Variants in BCL9 observed in about 807,000 individuals in gnomAD.
BCL9 encodes BCL9 transcription coactivator.
Under a neutral mutation model 88.5 loss-of-function variants are expected in BCL9, and 25 were observed. The ratio of observed to expected loss-of-function variants is 0.28; its 90% CI spans 0.21 to 0.39. BCL9 has a LOEUF of 0.39. BCL9 is among the 10% of genes least tolerant of loss of function. The probability of loss-of-function intolerance (pLI) is 1.00; values close to 1 mark genes in which losing one functional copy is unlikely to be tolerated. For synonymous variants in BCL9, 711 were observed against 673.3 expected (o/e 1.06, Z -0.87); for missense variants, 1,817 against 1,877.8 (o/e 0.97, Z 0.60).
In BCL9 at chr1:147,624,141, C is replaced by G. The variant is rs1553205999; in HGVS notation, c.3463C>G (p.His1155Asp). Reference sequence around the variant, plus strand: ...TCCCCCACAGCAGGTTCCATTCCCTCACAATGGCCCCAGTGGGGGGCAGGG... The same window carrying G: ...TCCCCCACAGCAGGTTCCATTCCCTGACAATGGCCCCAGTGGGGGGCAGGG... ...QSPPQQVPFP[H>D]NGPSGGQGSF... Residue 1155 changes from histidine to aspartate, a missense_variant, in exon 10 of 10, where the codon CAC becomes GAC. His to Asp is a moderately conservative substitution (Grantham distance 81, BLOSUM62 -1). Coordinates refer to ENST00000234739, the MANE Select transcript of BCL9 (RefSeq NM_004326.4). This position sits in a 1 kb window ranked among gnomAD's most constrained non-coding sequence, Gnocchi z 4.4. The G allele has an allele frequency of 6.3e-7, 1 of 1,594,654 alleles. No homozygotes were observed. Among genetic ancestry groups the G allele is most frequent in the Non-Finnish European group, 8.6e-7 (1 of 1,168,668 alleles).
chr1:147,546,955 A>C (rs1007425199), intron 1 of BCL9, among the ~76,000 whole-genome samples: 21 of 152,102 alleles, frequency 1.4e-4, no homozygotes, highest in African/African-American at 4.3e-4. Context: ...GGCACTGGGT[A>C]CATCTCTTAG....
chr1:147,624,320 G>T lies in BCL9; in HGVS notation c.3642G>T (p.Val1214=), dbSNP rs1553206075. The T allele has an allele frequency of 6.2e-7, 1 of 1,614,192 alleles. No individual in the cohort carries two copies. Among genetic ancestry groups the T allele is most frequent in the Non-Finnish European group, 8.5e-7 (1 of 1,180,028 alleles). Residue 1214 remains valine, a synonymous_variant, in exon 10 of 10, where the codon GTG becomes GTT. Transcript: ENST00000234739. The surrounding 1 kb of genome is among the most constrained non-coding windows in gnomAD (Gnocchi z 4.4). ...FTVLGNSMPS[V]FTDPDLQEVI... ...TCCTGGGGAACAGCATGCCTTCGGT[G>T]TTTACAGACCCAGATCTGCAGGAGG...
chr1:147,550,555 G>A (rs115275955), intron 1 of BCL9, among the ~76,000 whole-genome samples: 4,304 of 152,314 alleles, frequency 0.028, 110 homozygotes, highest in Non-Finnish European at 0.042. Flanking sequence ...TAGGTGAATA[G>A]TGAGAGTGAG....
intron 1 of BCL9, among the ~76,000 whole-genome samples, chr1:147,602,896 G>A (rs1178267089): frequency 1.3e-5 from 2 of 152,178 alleles, no homozygotes; most frequent in Non-Finnish European, 2.9e-5. Flanking sequence ...TAGAGCCTTG[G>A]ATGTAGAATC....
At chr1:147,558,015 T>C (rs1161180028) in intron 1 of BCL9, among the ~76,000 whole-genome samples, 1 of 152,010 alleles carries the variant, frequency 6.6e-6, no homozygotes, top group East Asian at 1.9e-4. Context: ...CATGCCACTA[T>C]GAAAGAAAAA....
chr1:147,542,820 C>T (rs1570798350), intron 1 of BCL9, among the ~76,000 whole-genome samples: 1 of 152,250 alleles, frequency 6.6e-6, no homozygotes, highest in East Asian at 1.9e-4. Context: ...GAAAATGTGC[C>T]TCCTGGTATA....
intron 9 of BCL9, 111 bp downstream of exon 9, chr1:147,622,642 A>C: frequency 7.3e-7 from 1 of 1,367,160 alleles, no homozygotes; most frequent in Non-Finnish European, 9.9e-7. Flanking sequence ...CAACAAGTAG[A>C]AAAAATCTTC....
chr1:147,624,128 G>C lies in BCL9; in HGVS notation c.3450G>C (p.Gln1150His). Residue 1150 changes from glutamine to histidine, a missense_variant, in exon 10 of 10, where the codon CAG (glutamine) becomes CAC (histidine). This residue lies in a region of BCL9 where 589 missense variants were observed against 686.2 expected (regional missense o/e 0.86). Coordinates refer to ENST00000234739, the MANE Select transcript of BCL9 (RefSeq NM_004326.4). This position sits in a 1 kb window ranked among gnomAD's most constrained non-coding sequence, Gnocchi z 4.4. ...CTCCAGTACAGTCTCCCCCACAGCA[G>C]GTTCCATTCCCTCACAATGGCCCCA... ...GFPPVQSPPQQVPFPHNGPSG... is the reference protein window; with the variant it reads ...GFPPVQSPPQHVPFPHNGPSG... 1.3e-6 allele frequency: 2 copies of C among 1,596,178 alleles called. No individual in the cohort carries two copies. The highest frequency in any genetic ancestry group is 1.7e-6 in the Non-Finnish European group (2 of 1,169,376).
At position 147,624,368 on chromosome 1, in the gene BCL9, A is replaced by C. The variant is rs1658822571; in HGVS notation, c.3690A>C (p.Gly1230=). ...AGGTCATCCGACCTGGAGCCACCGGAATACCTGAGTTTGATCTATCCCGCA... is the reference window on the plus strand; with the variant it reads ...AGGTCATCCGACCTGGAGCCACCGGCATACCTGAGTTTGATCTATCCCGCA... ...LQEVIRPGAT[G]IPEFDLSRII... Residue 1230 remains glycine (G), a synonymous_variant, in exon 10 of 10, where the codon GGA becomes GGC. Coordinates refer to ENST00000234739, the MANE Select transcript of BCL9 (RefSeq NM_004326.4). This position sits in a 1 kb window ranked among gnomAD's most constrained non-coding sequence, Gnocchi z 4.4. 1 of 1,614,170 alleles carries C rather than the reference A, an allele frequency of 6.2e-7. No individual in the cohort carries two copies. The highest frequency in any genetic ancestry group is 8.5e-7 in the Non-Finnish European group (1 of 1,180,028).
At chr1:147,617,643 A>G (rs1187304698) in intron 7 of BCL9, among the ~76,000 whole-genome samples, 2 of 152,234 alleles carry the variant, frequency 1.3e-5, no homozygotes, top group Non-Finnish European at 2.9e-5. Flanking sequence ...TGTATACAAC[A>G]CAAATTGTTC....
At chr1:147,561,495 C>T (rs1553196094) in intron 1 of BCL9, among the ~76,000 whole-genome samples, 3 of 152,174 alleles carry the variant, frequency 2.0e-5, no homozygotes, top group Non-Finnish European at 1.5e-5. Flanking sequence ...CTTCTCATTC[C>T]CTCTTATGAT....
intron 1 of BCL9, among the ~76,000 whole-genome samples, chr1:147,546,658 T>A (rs1235898342): frequency 6.6e-6 from 1 of 152,210 alleles, no homozygotes; most frequent in Non-Finnish European, 1.5e-5. Context: ...TTTGGTCACC[T>A]TATATGAAGC....
intron 1 of BCL9, among the ~76,000 whole-genome samples, chr1:147,587,474 C>T (rs1553199371): frequency 6.6e-6 from 1 of 152,162 alleles, no homozygotes; most frequent in Non-Finnish European, 1.5e-5. Flanking sequence ...TTTTACTCAC[C>T]GTACTAGATT....
chr1:147,565,239 T>G (rs1418171585), intron 1 of BCL9, among the ~76,000 whole-genome samples: 1 of 152,236 alleles, frequency 6.6e-6, no homozygotes, highest in African/African-American at 2.4e-5. Context: ...AACCTTTTAA[T>G]TTTATACATG....
At position 147,625,909 on chromosome 1, in the gene BCL9, C is replaced by T. The variant is rs1167051418; in HGVS notation, c.*950C>T. ...TGGCTCTGAGAGGGAAAGGTCTGTC[C>T]TTGGGATGCTCTCTGGTCTTTTTTC... On this transcript the variant is annotated 3_prime_UTR_variant, in exon 10 of 10. Transcript: ENST00000234739. 2.6e-5 allele frequency: 6 copies of T among 232,998 alleles called. No individual in the cohort carries two copies. Among genetic ancestry groups the T allele is most frequent in the Non-Finnish European group, 5.1e-5 (6 of 117,708 alleles). 14.4% of individuals were successfully genotyped at this position (232,998 alleles called of 1,614,324 possible).
At chr1:147,602,074 T>C (rs1657421049) in intron 1 of BCL9, among the ~76,000 whole-genome samples, 1 of 152,128 alleles carries the variant, frequency 6.6e-6, no homozygotes, top group East Asian at 1.9e-4. Context: ...CTAATTTATG[T>C]ACTTTTAGTA....
Position 147,620,025 on chromosome 1 carries a change from C to T in BCL9, c.1870C>T (p.Pro624Ser). Residue 624 changes from proline (P) to serine (S), a missense_variant, in exon 8 of 10, where the codon CCC becomes TCC. By Grantham distance (74) the Pro-to-Ser change is moderately conservative (BLOSUM62 -1). Transcript: ENST00000234739. ...TGGCCGAGGGGAACGCTTCCCAAAC[C>T]CCCAAGGATTGTCTGAAGAGATGTT... Reference protein sequence around the residue: ...GPGRGERFPNPQGLSEEMFQQ... With the variant: ...GPGRGERFPNSQGLSEEMFQQ... 2 of 1,614,170 alleles carry T rather than the reference C, an allele frequency of 1.2e-6. No homozygotes were observed. The highest frequency in any genetic ancestry group is 1.7e-6 in the Non-Finnish European group (2 of 1,180,036).
Position 147,611,751 on chromosome 1 carries a change from T to TGGG in BCL9, c.-85_-84insGGG. ...CCAGCAAGCAGTGGGCCAGTGCCAC[T>TGGG]GCCCCCAGCAGCTGTTTCTGCTGCA... On this transcript the variant is annotated 5_prime_UTR_variant, in exon 4 of 10. Transcript: ENST00000234739. 1 of 1,369,470 alleles carries TGGG rather than the reference T, an allele frequency of 7.3e-7. No homozygotes were observed. Among genetic ancestry groups the TGGG allele is most frequent in the Non-Finnish European group, 1.0e-6 (1 of 959,406 alleles). The allele number at this position is 1,369,470 out of a possible 1,614,324, so 84.8% of individuals were successfully genotyped here.
At chr1:147,544,437 T>G (rs991573498) in intron 1 of BCL9, among the ~76,000 whole-genome samples, 2 of 152,186 alleles carry the variant, frequency 1.3e-5, no homozygotes, top group Non-Finnish European at 2.9e-5. Context: ...TCTCTCTTTT[T>G]CTTAGCACAC....
Sources: allele counts gnomAD v4.1 joint callset (sites outside exome capture counted in the v4.1 genomes callset), GRCh38; gene constraint gnomAD v4.1.1; regional missense constraint gnomAD v4.1.1; non-coding constraint Gnocchi (gnomAD v3.1); transcripts MANE v1.5; gene names NCBI Gene and HGNC (gene_info 2026-07-23, HGNC 2026-07-21).